The following CHDH variants were observed in gnomAD, a reference collection of about 807,000 sequenced individuals.
CHDH encodes choline dehydrogenase.
A neutral mutation model predicts 56.9 loss-of-function variants in CHDH; 43 were observed. The observed-to-expected ratio is 0.76, with a 90% CI of 0.59 to 0.97. The LOEUF is 0.97. CHDH is among the 50% of genes least tolerant of loss of function. The pLI is 0.00. For synonymous variants in CHDH, 364 were observed against 348.5 expected (o/e 1.04, Z -0.50); for missense variants, 816 against 821.1 (o/e 0.99, Z 0.08).
At chr3:53,822,200 CT>C (rs1233672317) in intron 4 of CHDH, among the ~76,000 whole-genome samples, 1 of 152,108 alleles carries the variant, frequency 6.6e-6, no homozygotes, top group Non-Finnish European at 1.5e-5. Context: ...AAACCTATAG[CT>C]TTCTGTGACA....
In CHDH at chr3:53,815,221, C is replaced by G. The variant is rs1444290187; in HGVS notation, c.*2556G>C. The G allele has an allele frequency of 1.3e-5, 2 of 152,284 alleles. No homozygotes were observed. The highest frequency in any genetic ancestry group is 3.8e-4 in the East Asian group (2 of 5,198). The allele number at this position is 152,284 out of a possible 1,614,324, so 9.4% of individuals were successfully genotyped here. On this transcript the variant is annotated 3_prime_UTR_variant, in exon 9 of 9. Coordinates refer to ENST00000315251, the MANE Select transcript of CHDH (RefSeq NM_018397.5). ...GCACTGGGCACATGGACAGCGCATT[C>G]TGTTGTGCTCTTTGAGCCATTTTTG...
chr3:53,837,897 A>G (rs1358582199), intron 2 of CHDH, among the ~76,000 whole-genome samples: 1 of 151,850 alleles, frequency 6.6e-6, no homozygotes, highest in Non-Finnish European at 1.5e-5. Flanking sequence ...ATCTCTACTA[A>G]AAATACAAAA....
chr3:53,842,063 A>C (rs1407089231), intron 1 of CHDH, among the ~76,000 whole-genome samples: 2 of 151,848 alleles, frequency 1.3e-5, no homozygotes, highest in Non-Finnish European at 2.9e-5. Flanking sequence ...GGGTTGCTTG[A>C]GCCCAGTGAG....
rs773652681 is a variant in CHDH at position 53,817,907 on chromosome 3, A to G, written c.1655T>C (p.Val552Ala). Reference protein sequence around the residue: ...VVDASIMPSMVSGNLNAPTIM... With the variant: ...VVDASIMPSMASGNLNAPTIM... ...TGTGGGGGCGTTCAGGTTGCCGCTGACCATGCTAGGCATGATGGAGGCATC... is the reference window on the plus strand; with the variant it reads ...TGTGGGGGCGTTCAGGTTGCCGCTGGCCATGCTAGGCATGATGGAGGCATC... The change falls in exon 9 of 9, where the codon GTC (valine) becomes GCC (alanine). Residue 552 changes from valine to alanine, a missense_variant. Coordinates refer to ENST00000315251, the MANE Select transcript of CHDH (RefSeq NM_018397.5). 25 of 1,614,176 alleles carry G rather than the reference A, an allele frequency of 1.5e-5. No individual in the cohort carries two copies. Among genetic ancestry groups the G allele is most frequent in the Non-Finnish European group, 2.1e-5 (25 of 1,180,040 alleles).
intron 1 of CHDH, among the ~76,000 whole-genome samples, chr3:53,843,616 G>C (rs916280591): frequency 6.6e-6 from 1 of 152,134 alleles, no homozygotes; most frequent in Admixed American, 6.5e-5. Flanking sequence ...TCAGGCACTG[G>C]CCTTGGATGA....
At position 53,823,656 on chromosome 3, in the gene CHDH, C is replaced by T. The variant is rs1372592438; in HGVS notation, c.353G>A (p.Arg118His). 6.5e-7 allele frequency: 1 copy of T among 1,545,514 alleles called. No homozygotes were observed. Among genetic ancestry groups the T allele is most frequent in the East Asian group, 2.4e-5 (1 of 40,872 alleles). ...GCGGCCGCGTGGCCAGTACAGCACGCGGCCGTCCAGGCCCCGCTGCACCTC... is the reference window on the plus strand; with the variant it reads ...GCGGCCGCGTGGCCAGTACAGCACGTGGCCGTCCAGGCCCCGCTGCACCTC... ...HTEVQRGLDG[R>H]VLYWPRGRVW... is the part of the protein sequence containing the mutation. The change falls in exon 3 of 9, where the codon CGC (arginine) becomes CAC (histidine). Residue 118 changes from arginine to histidine, a missense_variant. Arg to His is a conservative substitution (Grantham distance 29). Transcript: ENST00000315251.
intron 1 of CHDH, among the ~76,000 whole-genome samples, chr3:53,844,010 A>T (rs1461120967): frequency 6.6e-6 from 1 of 151,982 alleles, no homozygotes; most frequent in Non-Finnish European, 1.5e-5. Flanking sequence ...AGGGGGGAAA[A>T]CCCCCGAGGG....
chr3:53,820,041 T>G (rs7625247), intron 6 of CHDH, among the ~76,000 whole-genome samples: 72,089 of 152,106 alleles, frequency 0.47, 18,659 homozygotes, highest in East Asian at 0.72. Context: ...TAAACTACCA[T>G]TTCCTGGCCC....
At chr3:53,841,713 G>A (rs970958342) in intron 1 of CHDH, among the ~76,000 whole-genome samples, 9 of 152,200 alleles carry the variant, frequency 5.9e-5, no homozygotes, top group Non-Finnish European at 1.2e-4. Flanking sequence ...CTAAAGTACT[G>A]AAATTAATCA....
rs769218861 is a variant in CHDH at position 53,820,554 on chromosome 3, G to C, written c.1040C>G (p.Thr347Ser). ...HLEIYIQQAC[T>S]RPITLHSAQK... is the part of the protein sequence containing the mutation. ...TGCTGAATGGAGGGTGATAGGGCGG[G>C]TGCATGCCTGCTGAATGTAGATCTC... Residue 347 changes from threonine to serine, a missense_variant, in exon 6 of 9, where the codon ACC (threonine) becomes AGC (serine). Transcript: ENST00000315251. The C allele has an allele frequency of 6.2e-7, 1 of 1,614,080 alleles. No individual in the cohort carries two copies. The highest frequency in any genetic ancestry group is 8.5e-7 in the Non-Finnish European group (1 of 1,179,976).
intron 2 of CHDH, 69 bp from the exon 3 acceptor site, chr3:53,824,136 C>T: frequency 1.1e-6 from 1 of 949,958 alleles, no homozygotes; most frequent in Non-Finnish European, 1.5e-6. Context: ...CAACGGCCTG[C>T]CGGGACAGGG....
In CHDH at chr3:53,821,673, C is replaced by T. The variant is rs755131144; in HGVS notation, c.959G>A (p.Gly320Asp). The T allele has an allele frequency of 3.1e-6, 5 of 1,613,724 alleles. No individual in the cohort carries two copies. In the East Asian group the frequency reaches 8.9e-5, roughly 29 times the overall value. Residue 320 changes from glycine (G) to aspartate (D), a missense_variant, in exon 5 of 9, where the codon GGC (glycine) becomes GAC (aspartate). Transcript: ENST00000315251. ...AGGTAGGTGGCACACCACAGGGATG[C>T]CCAGTTTCTTGAGGTCATCAGCATT... is the stretch of plus-strand genomic sequence containing the variant. ...IGNADDLKKL[G>D]IPVVCHLPGV... is the part of the protein sequence containing the mutation.
At chr3:53,844,537 C>A (rs1028352666) in intron 1 of CHDH, 27 of 152,990 alleles carry the variant, frequency 1.8e-4, no homozygotes, top group Middle Eastern at 6.2e-3. Flanking sequence ...CTCTCCACTG[C>A]CCCCTGAGAA....
chr3:53,825,792 T>G (rs2095637984), intron 2 of CHDH, among the ~76,000 whole-genome samples: 1 of 152,162 alleles, frequency 6.6e-6, no homozygotes, highest in Non-Finnish European at 1.5e-5. Context: ...ATAGTTAAGC[T>G]GCTGAAACTT....
chr3:53,819,060 G>A lies in CHDH; in HGVS notation c.1264-20C>T. 3 of 1,533,988 alleles carry A rather than the reference G, an allele frequency of 2.0e-6. No individual in the cohort carries two copies. The highest frequency in any genetic ancestry group is 2.7e-6 in the Non-Finnish European group (3 of 1,109,552). On this transcript the variant is annotated intron_variant, in intron 7 of 8. Transcript: ENST00000315251. The surrounding 1 kb of genome is among the most constrained non-coding windows in gnomAD (Gnocchi z 5.4). ...ATGTACCTAGAAGAACACAGAGGAA[G>A]CAGTGACGGTCCCTCCATAGACATC...
At chr3:53,826,658 G>A (rs908082558) in intron 2 of CHDH, among the ~76,000 whole-genome samples, 8 of 152,106 alleles carry the variant, frequency 5.3e-5, no homozygotes, top group South Asian at 2.1e-4. Context: ...CATACCTGAC[G>A]GTAAAAAATT....
rs946660123 is a variant in CHDH, at chr3:53,819,159, C to A, written c.1264-119G>T. 4 of 695,634 alleles carry A rather than the reference C, an allele frequency of 5.8e-6. No individual in the cohort carries two copies. The highest frequency in any genetic ancestry group is 2.6e-5 in the East Asian group (1 of 38,792). The allele number at this position is 695,634 out of a possible 1,614,324, so 43.1% of individuals were successfully genotyped here. A position where few individuals can be genotyped will look rare whatever the true frequency, so the allele number is the denominator to read the frequency against. ...TTCCAGAATCAGTGGGGAACAGATG[C>A]ATGTTAGCATTTGCCCGCATGGTAC... On this transcript the variant is annotated intron_variant, in intron 7 of 8. Coordinates refer to ENST00000315251, the MANE Select transcript of CHDH (RefSeq NM_018397.5). This position sits in a 1 kb window ranked among gnomAD's most constrained non-coding sequence, Gnocchi z 5.4.
chr3:53,824,705 G>A (rs756687561), intron 2 of CHDH, among the ~76,000 whole-genome samples: 16 of 152,210 alleles, frequency 1.1e-4, no homozygotes, highest in Non-Finnish European at 1.9e-4. Flanking sequence ...GAATGCTAGC[G>A]TTTTAACAGA....
intron 2 of CHDH, among the ~76,000 whole-genome samples, chr3:53,835,499 G>A (rs2106978602): frequency 6.6e-6 from 1 of 152,344 alleles, no homozygotes; most frequent in Non-Finnish European, 1.5e-5. Flanking sequence ...TGTGGTAAGG[G>A]CCATGGCCAC....
Sources: gnomAD v4.1 joint callset for allele counts (sites outside exome capture counted in the v4.1 genomes callset) on GRCh38, gnomAD v4.1.1 for gene constraint, Gnocchi (gnomAD v3.1) non-coding constraint, MANE v1.5 for transcripts, NCBI Gene and HGNC (gene_info 2026-07-23, HGNC 2026-07-21) for gene names.